The following KLHL29 variants were observed in gnomAD, a reference collection of about 807,000 sequenced individuals.
KLHL29 encodes the protein kelch like family member 29.
Under a neutral mutation model 80.4 loss-of-function variants are expected in KLHL29, and 21 were observed. The ratio of observed to expected loss-of-function variants is 0.26; its 90% CI spans 0.19 to 0.38. The LOEUF is 0.38. Ranked by LOEUF, KLHL29 falls within the 10% of genes least tolerant of loss-of-function variation. The pLI, the probability that KLHL29 is intolerant of heterozygous loss-of-function variation, is 1.00. For missense variants in KLHL29, 867 were observed against 1,223.9 expected (o/e 0.71, Z 4.35); for synonymous variants, 511 against 526.8 (o/e 0.97, Z 0.41).
At chr2:23,569,570 T>C (rs571865803) in intron 3 of KLHL29, among the ~76,000 whole-genome samples, 14 of 152,330 alleles carry the variant, frequency 9.2e-5, no homozygotes, top group South Asian at 8.3e-4. Context: ...ATGGGTTAAA[T>C]AGGCTTTGGA....
intron 3 of KLHL29, among the ~76,000 whole-genome samples, chr2:23,620,312 G>A (rs139945044): frequency 2.0e-4 from 30 of 152,316 alleles, no homozygotes; most frequent in African/African-American, 6.7e-4. Context: ...AGGGAGGAGA[G>A]TGACATGGTC....
At chr2:23,520,404 T>C (rs553822628) in intron 2 of KLHL29, among the ~76,000 whole-genome samples, 45 of 152,312 alleles carry the variant, frequency 3.0e-4, no homozygotes, top group African/African-American at 1.0e-3. Context: ...CTGTGATTCG[T>C]TGACTACTTC....
rs1040367758 is a variant in KLHL29, at chr2:23,596,279, G to A, written c.285+33798G>A. 6.6e-6 allele frequency among the ~76,000 whole-genome samples: 1 copy of A among 152,194 alleles called. No individual in the cohort carries two copies. The highest frequency in any genetic ancestry group is 1.5e-5 in the Non-Finnish European group (1 of 68,036). On this transcript the variant is annotated intron_variant, in intron 3 of 13. Transcript: ENST00000486442. This position sits in a 1 kb window ranked among gnomAD's most constrained non-coding sequence, Gnocchi z 4.4. ...TTAGGGTTGTTGGCAGATTAAAAAT[G>A]TAGTGGATTTAAATCATGCCCACCT...
intron 13 of KLHL29, 122 bp from the exon 14 acceptor site, chr2:23,706,359 G>C: frequency 5.8e-6 from 4 of 693,970 alleles, no homozygotes; most frequent in Non-Finnish European, 6.4e-6. Context: ...AGGGCAGCAA[G>C]ATCCCAGATG....
chr2:23,523,119 A>G (rs1164458448), intron 2 of KLHL29, among the ~76,000 whole-genome samples: 2 of 152,166 alleles, frequency 1.3e-5, no homozygotes, highest in Admixed American at 6.5e-5. Context: ...TCTCACTTCC[A>G]CTGGTTTCTT....
Position 23,503,781 on chromosome 2 carries a change from G to A in KLHL29, c.-46+28114G>A, listed in dbSNP as rs1431371111. Reference sequence around the variant, plus strand: ...AAGGAGGAAGGAAACACAGACAGGAGGTCTCAGAGCACAGCACGCCAGACC... The same window carrying A: ...AAGGAGGAAGGAAACACAGACAGGAAGTCTCAGAGCACAGCACGCCAGACC... On this transcript the variant is annotated intron_variant, in intron 2 of 13. Coordinates refer to ENST00000486442, the MANE Select transcript of KLHL29 (RefSeq NM_052920.2). This position sits in a 1 kb window ranked among gnomAD's most constrained non-coding sequence, Gnocchi z 4.0. 1.3e-5 allele frequency among the ~76,000 whole-genome samples: 2 copies of A among 152,232 alleles called. No homozygotes were observed. Among genetic ancestry groups the A allele is most frequent in the Admixed American group, 1.3e-4 (2 of 15,282 alleles).
At chr2:23,665,741 C>G (rs1670536309) in intron 5 of KLHL29, among the ~76,000 whole-genome samples, 1 of 152,046 alleles carries the variant, frequency 6.6e-6, no homozygotes, top group East Asian at 1.9e-4. Flanking sequence ...GAAGGGGCAC[C>G]ATGCTTCTTT....
chr2:23,433,333 C>T (rs571384837), intron 1 of KLHL29, among the ~76,000 whole-genome samples: 3 of 152,344 alleles, frequency 2.0e-5, no homozygotes, highest in South Asian at 2.1e-4. Context: ...GGGCATTCCC[C>T]GGATCCGAGC....
In KLHL29 at chr2:23,503,570, C is replaced by T. The variant is rs944520783; in HGVS notation, c.-46+27903C>T. ...ATAGGGTCCCTGCCGCTACACACCACGAGCCCACCGAGACTGCTGCAGCCT... is the reference window on the plus strand; with the variant it reads ...ATAGGGTCCCTGCCGCTACACACCATGAGCCCACCGAGACTGCTGCAGCCT... On this transcript the variant is annotated intron_variant, in intron 2 of 13. Coordinates refer to ENST00000486442, the MANE Select transcript of KLHL29 (RefSeq NM_052920.2). This position sits in a 1 kb window ranked among gnomAD's most constrained non-coding sequence, Gnocchi z 4.0. 6.7e-6 allele frequency among the ~76,000 whole-genome samples: 1 copy of T among 148,998 alleles called. No individual in the cohort carries two copies. Among genetic ancestry groups the T allele is most frequent in the Non-Finnish European group, 1.5e-5 (1 of 67,064 alleles).
At chr2:23,648,443 T>C (rs950052132) in intron 5 of KLHL29, among the ~76,000 whole-genome samples, 3 of 151,784 alleles carry the variant, frequency 2.0e-5, no homozygotes, top group African/African-American at 4.8e-5. Flanking sequence ...CCAGGAGATA[T>C]GACATTTGAA....
At chr2:23,702,129 GCT>G (rs770149380) in intron 11 of KLHL29, among the ~76,000 whole-genome samples, 4 of 152,068 alleles carry the variant, frequency 2.6e-5, no homozygotes, top group Non-Finnish European at 4.4e-5. Flanking sequence ...AGCCCACATG[GCT>G]CTTTTTAACT....
At chr2:23,425,960 C>T (rs915191868) in intron 1 of KLHL29, among the ~76,000 whole-genome samples, 1 of 152,196 alleles carries the variant, frequency 6.6e-6, no homozygotes, top group Non-Finnish European at 1.5e-5. Context: ...TATACATTCT[C>T]CCAGGCTCCC....
At position 23,596,076 on chromosome 2, in the gene KLHL29, C is replaced by T. The variant is rs1422689098; in HGVS notation, c.285+33595C>T. Among the ~76,000 whole-genome samples, 1 of 152,180 alleles carries T rather than the reference C, an allele frequency of 6.6e-6. No individual in the cohort carries two copies. Among genetic ancestry groups the T allele is most frequent in the South Asian group, 2.1e-4 (1 of 4,828 alleles). On this transcript the variant is annotated intron_variant, in intron 3 of 13. Transcript: ENST00000486442. This position sits in a 1 kb window ranked among gnomAD's most constrained non-coding sequence, Gnocchi z 4.4. ...CTGCCAGCATAGCCTCTGGAATGCA[C>T]GGCCTGCTTGGGGTTGCCATGGAGA...
intron 2 of KLHL29, among the ~76,000 whole-genome samples, chr2:23,556,486 AC>A (rs990045912): frequency 1.3e-5 from 2 of 151,636 alleles, no homozygotes; most frequent in African/African-American, 4.9e-5. Context: ...CAAAAAAAAA[AC>A]AAAAAAAATA....
chr2:23,619,842 C>A (rs559158752), intron 3 of KLHL29, among the ~76,000 whole-genome samples: 1 of 152,334 alleles, frequency 6.6e-6, no homozygotes, highest in South Asian at 2.1e-4. Context: ...TCCTGAACAC[C>A]TACTATGTAC....
At chr2:23,687,804 G>T (rs1231658950) in intron 6 of KLHL29, among the ~76,000 whole-genome samples, 1 of 152,182 alleles carries the variant, frequency 6.6e-6, no homozygotes, top group Non-Finnish European at 1.5e-5. Context: ...TGCAGGGCCG[G>T]GTATGAGGGT....
chr2:23,706,010 C>T (rs1356938447), intron 13 of KLHL29, among the ~76,000 whole-genome samples: 2 of 152,214 alleles, frequency 1.3e-5, no homozygotes, highest in African/African-American at 4.8e-5. Flanking sequence ...CCAGGTCACA[C>T]AGAAGCACCT....
chr2:23,533,344 C>G (rs1258274569), intron 2 of KLHL29, among the ~76,000 whole-genome samples: 1 of 152,170 alleles, frequency 6.6e-6, no homozygotes, highest in Non-Finnish European at 1.5e-5. Context: ...CCCCCACCCT[C>G]TGGGGCTGGC....
chr2:23,484,225 T>G (rs1336602712), intron 2 of KLHL29, among the ~76,000 whole-genome samples: 1 of 152,120 alleles, frequency 6.6e-6, no homozygotes, highest in African/African-American at 2.4e-5. Flanking sequence ...CAGCCGCCAA[T>G]ACCTATTTTC....
Sources: allele counts gnomAD v4.1 joint callset (sites outside exome capture counted in the v4.1 genomes callset), GRCh38; gene constraint gnomAD v4.1.1; non-coding constraint Gnocchi (gnomAD v3.1); transcripts MANE v1.5; gene names NCBI Gene and HGNC (gene_info 2026-07-23, HGNC 2026-07-21).